GMDS: variants seen among roughly 807,000 people sequenced by gnomAD.
GMDS encodes GDP-mannose 4,6 dehydratase.
In GMDS, 20 loss-of-function variants were observed where a neutral mutation model predicts 49.9. The ratio of observed to expected loss-of-function variants is 0.40; its 90% CI spans 0.28 to 0.58. The LOEUF (loss-of-function observed/expected upper bound fraction) is 0.58, where lower values mean the gene tolerates loss of function less well. GMDS is among the 20% of genes least tolerant of loss of function. The pLI is 0.42. For missense variants in GMDS, 362 were observed against 481.4 expected, an observed-to-expected ratio of 0.75 and a Z score of 2.32; for synonymous variants, 177 against 178.6, an observed-to-expected ratio of 0.99 and a Z score of 0.07.
intron 1 of GMDS, among the ~76,000 whole-genome samples, chr6:2,206,346 G>A (rs766225121): frequency 7.2e-5 from 11 of 151,904 alleles, no homozygotes; most frequent in Non-Finnish European, 1.3e-4. Context: ...GGATGCTTCT[G>A]GGTTCTCAAC....
intron 8 of GMDS, among the ~76,000 whole-genome samples, chr6:1,728,231 AT>A (rs891735881): frequency 8.9e-4 from 136 of 152,232 alleles, no homozygotes; most frequent in Non-Finnish European, 1.6e-3. Context: ...CATTATTATT[AT>A]TTTTTTTAAA....
chr6:2,089,129 T>G (rs1773175162), intron 4 of GMDS, among the ~76,000 whole-genome samples: 1 of 152,238 alleles, frequency 6.6e-6, no homozygotes, highest in South Asian at 2.1e-4. Flanking sequence ...TGGAAATGAA[T>G]GTCATGAATA....
At chr6:1,625,968 G>A (rs1762839302) in intron 9 of GMDS, 2 of 152,242 alleles carry the variant, frequency 1.3e-5, no homozygotes, top group South Asian at 4.1e-4. Flanking sequence ...TCGTGTGAAA[G>A]TAACAGCCAG....
At chr6:1,933,799 A>T (rs890032547) in intron 6 of GMDS, among the ~76,000 whole-genome samples, 1 of 152,116 alleles carries the variant, frequency 6.6e-6, no homozygotes, top group African/African-American at 2.4e-5. Flanking sequence ...ATTTGCAAAG[A>T]TTTTCTCTCA....
rs1581304883 is a variant in GMDS, at chr6:1,884,841, A to C, written c.771+45262T>G. Among the ~76,000 whole-genome samples, 6 of 152,348 alleles carry C rather than the reference A, an allele frequency of 3.9e-5. No homozygotes were observed. The South Asian group carries it at 1.2e-3, about 32-fold the overall frequency. Reference sequence around the variant, plus strand: ...GAGCTGCGCGACCTCATAGCTGATCACTTCTAAAATGCTTGAATAGACATT... The same window carrying C: ...GAGCTGCGCGACCTCATAGCTGATCCCTTCTAAAATGCTTGAATAGACATT... On this transcript the variant is annotated intron_variant, in intron 7 of 10. Transcript: ENST00000380815.
chr6:1,724,912 A>G (rs987189143), intron 9 of GMDS, among the ~76,000 whole-genome samples: 4 of 152,150 alleles, frequency 2.6e-5, no homozygotes, highest in Non-Finnish European at 2.9e-5. Context: ...CCACAGCCCT[A>G]CCTCTCCCAA....
chr6:2,188,362 G>A (rs234930), intron 1 of GMDS, among the ~76,000 whole-genome samples: 7,063 of 152,208 alleles, frequency 0.046, 278 homozygotes, highest in South Asian at 0.13. Flanking sequence ...AACAGTATCA[G>A]CAACCTTCTT....
intron 1 of GMDS, among the ~76,000 whole-genome samples, chr6:2,241,562 A>T (rs1466460104): frequency 6.6e-6 from 1 of 152,156 alleles, no homozygotes; most frequent in African/African-American, 2.4e-5. Flanking sequence ...CAGATCCCTC[A>T]TGAATGCTTG....
At chr6:1,973,472 G>A (rs962696377) in intron 4 of GMDS, among the ~76,000 whole-genome samples, 1 of 152,204 alleles carries the variant, frequency 6.6e-6, no homozygotes, top group East Asian at 1.9e-4. Flanking sequence ...TACCCCTGGG[G>A]ATTAAAAATC....
At chr6:1,680,568 G>A (rs1764756107) in intron 9 of GMDS, among the ~76,000 whole-genome samples, 1 of 152,126 alleles carries the variant, frequency 6.6e-6, no homozygotes, top group Admixed American at 6.5e-5. Flanking sequence ...GGACCTTCTG[G>A]CCTCCCTCCC....
intron 4 of GMDS, among the ~76,000 whole-genome samples, chr6:1,977,989 C>T (rs980928572): frequency 1.3e-5 from 2 of 152,168 alleles, no homozygotes; most frequent in Admixed American, 1.3e-4. Flanking sequence ...ATTCTGCGGG[C>T]CCCACTTCCA....
chr6:2,181,492 C>CT (rs1047581246), intron 1 of GMDS, among the ~76,000 whole-genome samples: 7 of 152,006 alleles, frequency 4.6e-5, no homozygotes, highest in South Asian at 2.1e-4. Flanking sequence ...CCAGACACTG[C>CT]TTTTTTTTAA....
intron 4 of GMDS, among the ~76,000 whole-genome samples, chr6:2,084,290 C>A (rs1772881324): frequency 6.6e-6 from 1 of 152,064 alleles, no homozygotes; most frequent in Non-Finnish European, 1.5e-5. Context: ...TTTTAAAAAT[C>A]ATATAAACTT....
intron 5 of GMDS, 50 bp downstream of exon 5, chr6:1,960,724 A>C: frequency 8.1e-7 from 1 of 1,233,128 alleles, no homozygotes; most frequent in Non-Finnish European, 1.1e-6. Flanking sequence ...CACCCCCCAC[A>C]CCCACAGATA....
At chr6:2,185,702 C>T (rs1054787431) in intron 1 of GMDS, among the ~76,000 whole-genome samples, 5 of 152,176 alleles carry the variant, frequency 3.3e-5, no homozygotes, top group African/African-American at 1.2e-4. Flanking sequence ...TGCCTAAATA[C>T]TGCCACCCTA....
At chr6:2,063,975 T>C (rs1771352688) in intron 4 of GMDS, among the ~76,000 whole-genome samples, 1 of 152,246 alleles carries the variant, frequency 6.6e-6, no homozygotes, top group African/African-American at 2.4e-5. Flanking sequence ...ATGTTACTAG[T>C]ATAACTACAT....
At chr6:2,170,636 T>TA (rs201614473) in intron 1 of GMDS, among the ~76,000 whole-genome samples, 101 of 127,172 alleles carry the variant, frequency 7.9e-4, no homozygotes, top group Middle Eastern at 4.3e-3. Flanking sequence ...TAAAAAAAAA[T>TA]AAAAAAAAAA....
intron 7 of GMDS, among the ~76,000 whole-genome samples, chr6:1,780,124 G>A (rs1300819623): frequency 6.6e-6 from 1 of 152,246 alleles, no homozygotes. Flanking sequence ...CTCTTGCTCC[G>A]CTTGCAGCCT....
intron 4 of GMDS, among the ~76,000 whole-genome samples, chr6:2,043,056 C>G (rs1769778850): frequency 6.6e-6 from 1 of 152,132 alleles, no homozygotes; most frequent in South Asian, 2.1e-4. Flanking sequence ...TTTCATCAAG[C>G]CTCATGAGTC....
Sources: gnomAD v4.1 joint callset for allele counts (sites outside exome capture counted in the v4.1 genomes callset) on GRCh38, gnomAD v4.1.1 for gene constraint, MANE v1.5 for transcripts, NCBI Gene and HGNC (gene_info 2026-07-23, HGNC 2026-07-21) for gene names.